KCNIP4: variants seen among roughly 807,000 people sequenced by gnomAD.
KCNIP4 encodes Kv channel-interacting protein 4.
Under a neutral mutation model 34.0 loss-of-function variants are expected in KCNIP4, and 12 were observed. That is an observed-to-expected ratio of 0.35 (90% CI 0.23 to 0.57). The LOEUF is 0.57. Among genes scored for constraint, KCNIP4 ranks in the 20% least tolerant of loss-of-function variants. The pLI is 0.83. For synonymous variants in KCNIP4, 124 were observed against 102.2 expected, an observed-to-expected ratio of 1.21 and a Z score of -1.29; for missense variants, 238 against 311.7, an observed-to-expected ratio of 0.76 and a Z score of 1.78.
intron 1 of KCNIP4, among the ~76,000 whole-genome samples, chr4:21,419,240 T>C (rs867380359): frequency 2.1e-4 from 32 of 152,226 alleles, no homozygotes; most frequent in African/African-American, 7.5e-4. Flanking sequence ...ATGTGAAGCA[T>C]GTTTAATAAA....
intron 1 of KCNIP4, among the ~76,000 whole-genome samples, chr4:21,017,157 C>A (rs113988854): frequency 2.0e-5 from 3 of 152,130 alleles, no homozygotes; most frequent in Non-Finnish European, 2.9e-5. Flanking sequence ...TCATCTTCAT[C>A]CAAAGCAATA....
At chr4:21,780,447 C>G (rs574750323) in intron 1 of KCNIP4, among the ~76,000 whole-genome samples, 102 of 152,302 alleles carry the variant, frequency 6.7e-4, no homozygotes, top group African/African-American at 2.4e-3. Flanking sequence ...CCACTCTCAA[C>G]TGCCAAAGAC....
intron 1 of KCNIP4, among the ~76,000 whole-genome samples, chr4:21,734,748 A>T (rs1288648889): frequency 6.6e-6 from 1 of 152,174 alleles, no homozygotes; most frequent in Non-Finnish European, 1.5e-5. Context: ...CAGAATTTTC[A>T]AAAGCTACAA....
chr4:21,540,936 C>T (rs539779196), intron 1 of KCNIP4, among the ~76,000 whole-genome samples: 20 of 151,850 alleles, frequency 1.3e-4, no homozygotes, highest in South Asian at 8.3e-4. Context: ...TTTGGGAGGC[C>T]GAGGTGGGTG....
At chr4:20,787,134 CA>C (rs1365988072) in intron 3 of KCNIP4, among the ~76,000 whole-genome samples, 1 of 152,132 alleles carries the variant, frequency 6.6e-6, no homozygotes, top group Admixed American at 6.6e-5. Context: ...GATGCATAGG[CA>C]GACAGTTTAG....
At chr4:21,228,069 A>G (rs990019576) in intron 1 of KCNIP4, among the ~76,000 whole-genome samples, 1 of 152,268 alleles carries the variant, frequency 6.6e-6, no homozygotes, top group African/African-American at 2.4e-5. Context: ...CAATTTCTGC[A>G]TTTTGTTGTT....
At chr4:21,555,809 G>C (rs1336027846) in intron 1 of KCNIP4, among the ~76,000 whole-genome samples, 5 of 151,978 alleles carry the variant, frequency 3.3e-5, no homozygotes, top group East Asian at 3.9e-4. Flanking sequence ...ACAAAATTAG[G>C]ATTCCTGTGA....
chr4:21,203,610 G>C (rs576809135), intron 1 of KCNIP4, among the ~76,000 whole-genome samples: 1 of 152,284 alleles, frequency 6.6e-6, no homozygotes, highest in African/African-American at 2.4e-5. Context: ...TGAAAGGCAA[G>C]GAATTGCCCT....
At chr4:21,262,523 G>A (rs1212373940) in intron 1 of KCNIP4, among the ~76,000 whole-genome samples, 3 of 152,204 alleles carry the variant, frequency 2.0e-5, no homozygotes, top group Non-Finnish European at 4.4e-5. Flanking sequence ...GATGGATTTA[G>A]CTCTGCAATT....
intron 1 of KCNIP4, among the ~76,000 whole-genome samples, chr4:21,898,158 GCTAAAGT>G (rs1354310350): frequency 2.0e-5 from 3 of 152,132 alleles, no homozygotes; most frequent in African/African-American, 7.2e-5. Context: ...GCCACCATGA[GCTAAAGT>G]GCCCTGGGGT....
Position 21,135,289 on chromosome 4 carries a change from G to T in KCNIP4, c.62-252580C>A, listed in dbSNP as rs570842698. Among the ~76,000 whole-genome samples, 35 of 152,320 alleles carry T rather than the reference G, an allele frequency of 2.3e-4. No homozygotes were observed. In the South Asian group the frequency reaches 7.0e-3, roughly 31 times the overall value. On this transcript the variant is annotated intron_variant, in intron 1 of 8. Transcript: ENST00000382152. Reference sequence around the variant, plus strand: ...CAGTGCTTTCAAAATGATATGGACTGGTGCTAGGTAAGACTTATTAAATGA... The same window carrying T: ...CAGTGCTTTCAAAATGATATGGACTTGTGCTAGGTAAGACTTATTAAATGA...
At chr4:21,022,376 A>C (rs558474674) in intron 1 of KCNIP4, among the ~76,000 whole-genome samples, 1 of 152,226 alleles carries the variant, frequency 6.6e-6, no homozygotes, top group Non-Finnish European at 1.5e-5. Context: ...TTTCCATTGC[A>C]TAACCTTTAA....
At chr4:21,390,317 A>AGATCCCAT (rs1722450896) in intron 1 of KCNIP4, among the ~76,000 whole-genome samples, 1 of 151,962 alleles carries the variant, frequency 6.6e-6, no homozygotes, top group African/African-American at 2.4e-5. Context: ...TTAGATCCCA[A>AGATCCCAT]TTGTCAATTT....
intron 3 of KCNIP4, among the ~76,000 whole-genome samples, chr4:20,769,580 A>T (rs1755698831): frequency 6.6e-6 from 1 of 152,174 alleles, no homozygotes; most frequent in Admixed American, 6.5e-5. Flanking sequence ...ATTGCTGCAT[A>T]AAAAATGACC....
intron 1 of KCNIP4, among the ~76,000 whole-genome samples, chr4:21,489,098 G>C (rs919150278): frequency 2.0e-5 from 3 of 152,084 alleles, no homozygotes; most frequent in Non-Finnish European, 4.4e-5. Flanking sequence ...CAGCACAATA[G>C]AATGTTCATA....
At chr4:20,734,080 C>T (rs188169024) in intron 6 of KCNIP4, among the ~76,000 whole-genome samples, 91 of 152,260 alleles carry the variant, frequency 6.0e-4, no homozygotes, top group South Asian at 2.1e-4. Context: ...GCCTGTCCTG[C>T]GTGGTTAACT....
intron 1 of KCNIP4, among the ~76,000 whole-genome samples, chr4:21,298,966 G>A (rs914132796): frequency 5.9e-5 from 9 of 152,008 alleles, no homozygotes; most frequent in African/African-American, 2.4e-5. Flanking sequence ...AATAAGATAC[G>A]GAGTCTGATG....
chr4:21,336,057 T>C (rs1042059012), intron 1 of KCNIP4, among the ~76,000 whole-genome samples: 12 of 152,180 alleles, frequency 7.9e-5, no homozygotes, highest in African/African-American at 2.7e-4. Context: ...CTTTCCTAGT[T>C]TGAATATTTA....
intron 1 of KCNIP4, among the ~76,000 whole-genome samples, chr4:21,904,372 G>A (rs1727875426): frequency 6.6e-6 from 1 of 152,118 alleles, no homozygotes; most frequent in Non-Finnish European, 1.5e-5. Context: ...CTAGAAAACA[G>A]ACACAAAGAT....
Sources: gnomAD v4.1 joint callset for allele counts (sites outside exome capture counted in the v4.1 genomes callset) on GRCh38, gnomAD v4.1.1 for gene constraint, MANE v1.5 for transcripts, NCBI Gene and HGNC (gene_info 2026-07-23, HGNC 2026-07-21) for gene names.